Variants in C21orf58 observed in about 807,000 individuals in gnomAD.
C21orf58 encodes the protein chromosome 21 open reading frame 58.
A neutral mutation model predicts 35.8 loss-of-function variants in C21orf58; 34 were observed. That is an observed-to-expected ratio of 0.95 (90% CI 0.72 to 1.26). C21orf58 has a LOEUF of 1.26. Among genes scored for constraint, C21orf58 ranks in the 50% most tolerant of loss-of-function variants. C21orf58 has a pLI of 0.00. For missense variants in C21orf58, 440 were observed against 414.3 expected (o/e 1.06, Z -0.54); for synonymous variants, 191 against 175.8 (o/e 1.09, Z -0.68).
chr21:46,314,538 C>A (rs1323256087), intron 5 of C21orf58, among the ~76,000 whole-genome samples, 178 bp downstream of exon 5: 1 of 152,230 alleles, frequency 6.6e-6, no homozygotes, highest in African/African-American at 2.4e-5. Context: ...GGTAAGCAGT[C>A]CGGGGAGGCC....
chr21:46,306,765 T>G (rs2082436109), intron 6 of C21orf58, among the ~76,000 whole-genome samples: 2 of 152,090 alleles, frequency 1.3e-5, no homozygotes, highest in Admixed American at 1.3e-4. Context: ...TTTTGTATTT[T>G]TTTGTAGAGA....
At chr21:46,315,825 G>A (rs1482744689) in intron 3 of C21orf58, among the ~76,000 whole-genome samples, 4 of 152,124 alleles carry the variant, frequency 2.6e-5, no homozygotes, top group African/African-American at 2.4e-5. Flanking sequence ...CTGAAATGAC[G>A]CGACCAGGTT....
chr21:46,314,131 G>GTT (rs140166854), intron 5 of C21orf58, among the ~76,000 whole-genome samples: 271 of 144,774 alleles, frequency 1.9e-3, no homozygotes, highest in Non-Finnish European at 2.7e-3. Context: ...GCATGATAAA[G>GTT]TTTTTTTTTT....
chr21:46,302,673 G>A, intron 6 of C21orf58, 97 bp from the exon 7 acceptor site: 1 of 957,950 alleles, frequency 1.0e-6, no homozygotes, highest in Non-Finnish European at 1.6e-6. Flanking sequence ...AGGTGTGTCT[G>A]TACACTGTGC....
intron 6 of C21orf58, among the ~76,000 whole-genome samples, chr21:46,309,959 T>C (rs1461496982): frequency 4.6e-5 from 7 of 152,112 alleles, no homozygotes; most frequent in Non-Finnish European, 8.8e-5. Context: ...ATCACGCCAC[T>C]GCACTCCAGC....
At position 46,311,488 on chromosome 21, in the gene C21orf58, A is replaced by G. The variant is rs2082683621; in HGVS notation, c.689T>C (p.Phe230Ser). The G allele has an allele frequency of 1.2e-6, 2 of 1,606,124 alleles. No individual in the cohort carries two copies. The highest frequency in any genetic ancestry group is 2.7e-5 in the African/African-American group (2 of 74,800). The change falls in exon 6 of 8, where the codon TTC (phenylalanine) becomes TCC (serine). Residue 230 changes from phenylalanine (F) to serine (S), a missense_variant. Coordinates refer to ENST00000291691, the MANE Select transcript of C21orf58 (RefSeq NM_058180.5). ...AATACTTCCTGACCGTTGAGTAGGG[A>G]AGGCCTGGGGAGGAGGAATCTGTGC... Reference protein sequence around the residue: ...LIAQIPPPQAFPTQRSGSIKE... With the variant: ...LIAQIPPPQASPTQRSGSIKE...
At position 46,302,116 on chromosome 21, in the gene C21orf58, G is replaced by A. The variant is rs1397666195; in HGVS notation, c.852C>T (p.Ala284=). Residue 284 remains alanine (A), a synonymous_variant, in exon 8 of 8, where the codon GCC becomes GCT. Transcript: ENST00000291691. ...GGTGCACGGCAGGCAGCCTTGGCCT[G>A]GCAGCTCGTGGGACCCTCGGGGGCA... is the stretch of plus-strand genomic sequence containing the variant. ...PHVPPRVPRA[A]RPRLPAVHHH... is the part of the protein sequence containing the mutation. The A allele has an allele frequency of 1.3e-6, 2 of 1,522,652 alleles. No homozygotes were observed. The highest frequency in any genetic ancestry group is 2.1e-5 in the Admixed American group (1 of 48,572). The allele number at this position is 1,522,652 out of a possible 1,614,324, so 94.3% of individuals were successfully genotyped here. A position where few individuals can be genotyped will look rare whatever the true frequency, so the allele number is the denominator to read the frequency against.
At chr21:46,317,970 T>G in intron 2 of C21orf58, 42 bp downstream of exon 2, 1 of 1,606,104 alleles carries the variant, frequency 6.2e-7, no homozygotes, top group Non-Finnish European at 8.5e-7. Flanking sequence ...CGCCACAGCC[T>G]GCGAGTTGTT....
chr21:46,319,492 T>C (rs2083085681), intron 1 of C21orf58, among the ~76,000 whole-genome samples: 1 of 152,178 alleles, frequency 6.6e-6, no homozygotes, highest in Non-Finnish European at 1.5e-5. Flanking sequence ...CCATTGGGCG[T>C]TGGCTCACGC....
intron 6 of C21orf58, among the ~76,000 whole-genome samples, chr21:46,307,564 G>A (rs947336847): frequency 6.6e-6 from 1 of 152,182 alleles, no homozygotes; most frequent in Admixed American, 6.5e-5. Context: ...CTTTATGATG[G>A]CACAAGCTAT....
Position 46,301,776 on chromosome 21 carries a change from C to T in C21orf58, c.*223G>A. ...CCTGGTGGGGTTCACAGGCCCCTCA[C>T]TGCAGGGGACCCGGAGCAAGGGATG... On this transcript the variant is annotated 3_prime_UTR_variant, in exon 8 of 8. Transcript: ENST00000291691. 8.1e-7 allele frequency: 1 copy of T among 1,235,960 alleles called. No individual in the cohort carries two copies. Among genetic ancestry groups the T allele is most frequent in the Non-Finnish European group, 1.0e-6 (1 of 990,186 alleles). 76.6% of individuals were successfully genotyped at this position (1,235,960 alleles called of 1,614,324 possible).
chr21:46,314,958 C>T lies in C21orf58; in HGVS notation c.445-78G>A, dbSNP rs901785968. 3.2e-6 allele frequency: 5 copies of T among 1,550,188 alleles called. No homozygotes were observed. The African/African-American group carries it at 6.8e-5, about 21-fold the overall frequency. On this transcript the variant is annotated intron_variant, in intron 4 of 7. Transcript: ENST00000291691. ...ACAGAGGCACCCCCAGCATCAGGCT[C>T]AGGCCAGCCTGGGCCAGGTACAGGC...
chr21:46,316,378 C>A (rs1601698532), intron 3 of C21orf58, among the ~76,000 whole-genome samples: 1 of 152,142 alleles, frequency 6.6e-6, no homozygotes, highest in Non-Finnish European at 1.5e-5. Context: ...ATTGTTTGAA[C>A]CTCAGAGGCG....
chr21:46,318,604 C>G, intron 1 of C21orf58: 1 of 1,112,360 alleles, frequency 9.0e-7, no homozygotes. Flanking sequence ...CCTAGGGACC[C>G]TCAGAGCAAG....
At chr21:46,322,435 T>C (rs890853987) in intron 1 of C21orf58, 4 of 985,202 alleles carry the variant, frequency 4.1e-6, no homozygotes, top group Non-Finnish European at 4.8e-6. Context: ...CAGTTGTAAA[T>C]GTATTGTAAC....
At position 46,302,124 on chromosome 21, in the gene C21orf58, G is replaced by T. The variant is rs373462670; in HGVS notation, c.844C>A (p.Arg282=). ...DPPHVPPRVP[R]AARPRLPAVH... ...GCAGGCAGCCTTGGCCTGGCAGCTC[G>T]TGGGACCCTCGGGGGCACATGTGGC... is the stretch of plus-strand genomic sequence containing the variant. Residue 282 remains arginine, a synonymous_variant, in exon 8 of 8, where the codon CGA becomes AGA. Coordinates refer to ENST00000291691, the MANE Select transcript of C21orf58 (RefSeq NM_058180.5). 1 of 1,521,674 alleles carries T rather than the reference G, an allele frequency of 6.6e-7. No individual in the cohort carries two copies. Among genetic ancestry groups the T allele is most frequent in the Admixed American group, 2.1e-5 (1 of 48,768 alleles). 94.3% of individuals were successfully genotyped at this position (1,521,674 alleles called of 1,614,324 possible).
In C21orf58 at chr21:46,318,179, C is replaced by A. The variant is rs149778986; in HGVS notation, c.142G>T (p.Gly48Cys). Reference protein sequence around the residue: ...GGKARPAGNTGAWAPAEQFFP... With the variant: ...GGKARPAGNTCAWAPAEQFFP... ...AACTGCTCAGCAGGAGCCCAAGCACCGGTGTTGCCTGCAGGGCGGGCCTTA... is the reference window on the plus strand; with the variant it reads ...AACTGCTCAGCAGGAGCCCAAGCACAGGTGTTGCCTGCAGGGCGGGCCTTA... Residue 48 changes from glycine to cysteine, a missense_variant, in exon 2 of 8, where the codon GGT (glycine) becomes TGT (cysteine). Gly to Cys is a radical substitution (Grantham distance 159, BLOSUM62 -3). Transcript: ENST00000291691. The A allele has an allele frequency of 2.0e-3, 3,159 of 1,612,948 alleles. 7 individuals carry two copies. Among genetic ancestry groups the A allele is most frequent in the Non-Finnish European group, 2.3e-3 (2,699 of 1,180,026 alleles).
Position 46,301,743 on chromosome 21 carries a change from G to C in C21orf58, c.*256C>G. 8.2e-7 allele frequency: 1 copy of C among 1,215,114 alleles called. No individual in the cohort carries two copies. Among genetic ancestry groups the C allele is most frequent in the South Asian group, 4.2e-5 (1 of 23,892 alleles). The allele number at this position is 1,215,114 out of a possible 1,614,324, so 75.3% of individuals were successfully genotyped here. ...AGGAAAGGAGGGGTCCCTGGGAGGG[G>C]CTGTTGCCCTGGTGGGGTTCACAGG... On this transcript the variant is annotated 3_prime_UTR_variant, in exon 8 of 8. Transcript: ENST00000291691.
rs1232282440 is a variant in C21orf58 at position 46,322,766 on chromosome 21, G to A, written c.-28C>T. 7.1e-7 allele frequency: 1 copy of A among 1,410,024 alleles called. No homozygotes were observed. The highest frequency in any genetic ancestry group is 1.4e-5 in the South Asian group (1 of 69,664). The allele number at this position is 1,410,024 out of a possible 1,614,324, so 87.3% of individuals were successfully genotyped here. ...CGCTATAGCCTGGGCGTCGCAGCGAGACTGTCTCAAAAAAAGAAAAAAAAT... is the reference window on the plus strand; with the variant it reads ...CGCTATAGCCTGGGCGTCGCAGCGAAACTGTCTCAAAAAAAGAAAAAAAAT... On this transcript the variant is annotated 5_prime_UTR_variant, in exon 1 of 8. Coordinates refer to ENST00000291691, the MANE Select transcript of C21orf58 (RefSeq NM_058180.5).
Sources: allele counts gnomAD v4.1 joint callset (sites outside exome capture counted in the v4.1 genomes callset), GRCh38; gene constraint gnomAD v4.1.1; transcripts MANE v1.5; gene names NCBI Gene and HGNC (gene_info 2026-07-23, HGNC 2026-07-21).